The following ANKRD30A variants were observed in gnomAD, a reference collection of about 807,000 sequenced individuals.
ANKRD30A encodes the protein ankyrin repeat domain 30A, also known as ankyrin repeat domain-containing protein 30A.
Under a neutral mutation model 166.3 loss-of-function variants are expected in ANKRD30A, and 170 were observed. The observed-to-expected ratio is 1.02, with a 90% CI of 0.90 to 1.16. ANKRD30A has a LOEUF of 1.16. ANKRD30A is among the 50% of genes most tolerant of loss of function. The pLI is 0.00. For synonymous variants in ANKRD30A, 564 were observed against 508.9 expected, an observed-to-expected ratio of 1.11 and a Z score of -1.46; for missense variants, 1,630 against 1,518.0, an observed-to-expected ratio of 1.07 and a Z score of -1.23.
At chr10:37,205,215 A>T (rs1841910694) in intron 31 of ANKRD30A, among the ~76,000 whole-genome samples, 1 of 152,164 alleles carries the variant, frequency 6.6e-6, no homozygotes, top group Admixed American at 6.5e-5. Context: ...TACATCAATG[A>T]TAGACTGGAT....
chr10:37,152,580 G>C (rs17606017), intron 12 of ANKRD30A, among the ~76,000 whole-genome samples: 6 of 152,228 alleles, frequency 3.9e-5, no homozygotes, highest in East Asian at 1.9e-4. Context: ...ATTGACATAT[G>C]TTTATTGTTC....
At chr10:37,243,401 C>G in the ANKRD30A span, among the ~76,000 whole-genome samples, 1,231 of 151,902 alleles carry the variant, frequency 8.1e-3, 15 homozygotes, top group African/African-American at 0.028. Context: ...GCCTCGGCCT[C>G]CCAAAGTTCT....
downstream of ANKRD30A, among the ~76,000 whole-genome samples, chr10:37,235,255 G>T (rs1418133901): frequency 1.3e-5 from 2 of 151,946 alleles, no homozygotes; most frequent in African/African-American, 2.4e-5. Context: ...CCCCCACAAG[G>T]TCTTTAAATA....
At chr10:37,190,070 A>T (rs1404586943) in intron 25 of ANKRD30A, among the ~76,000 whole-genome samples, 1 of 151,904 alleles carries the variant, frequency 6.6e-6, no homozygotes. Context: ...GGATGGAAGC[A>T]CCTGACCATG....
rs1028795548 is a variant in ANKRD30A, at chr10:37,199,600, CA to C, written c.2717-122del. ...TATAGGAAGTAGTCATTGTAATCAA[CA>C]AAAAGAATATACGGGCTACAGAGGA... On this transcript the variant is annotated intron_variant, in intron 29 of 35. Coordinates refer to ENST00000361713, the MANE Select transcript of ANKRD30A (RefSeq NM_052997.3). 9 of 512,234 alleles carry C rather than the reference CA, an allele frequency of 1.8e-5. No individual in the cohort carries two copies. In the African/African-American group the frequency reaches 1.8e-4, roughly 10 times the overall value. The allele number at this position is 512,234 out of a possible 1,614,324, so 31.7% of individuals were successfully genotyped here.
Position 37,126,812 on chromosome 10 carries a change from C to T in ANKRD30A, c.221+804C>T, listed in dbSNP as rs545302552. 3.9e-4 allele frequency among the ~76,000 whole-genome samples: 59 copies of T among 152,084 alleles called. 1 individual carries two copies. The highest frequency in any genetic ancestry group is 1.3e-3 in the African/African-American group (54 of 41,504). On this transcript the variant is annotated intron_variant, in intron 1 of 35. Transcript: ENST00000361713. ...CCTGTGATCCCAACACTTTGGGCTG[C>T]GGAGGCAGGTGGATCATCTGAGGTC...
Position 37,193,173 on chromosome 10 carries a change from T to C in ANKRD30A, c.2542-13T>C, listed in dbSNP as rs373828396. On this transcript the variant is annotated splice_polypyrimidine_tract_variant and intron_variant, in intron 26 of 35. Transcript: ENST00000361713. The stretch of plus-strand genomic sequence containing the variant: ...CATTGTATATTAATTGTTTTGTTTC[T>C]AAACCCATTTAGGCTCCCTGCAGAA... The C allele has an allele frequency of 1.7e-3, 2,783 of 1,600,164 alleles. 84 individuals carry two copies. The highest frequency in any genetic ancestry group is 0.013 in the East Asian group (527 of 41,626).
chr10:37,156,637 A>C (rs1303974015), intron 13 of ANKRD30A, among the ~76,000 whole-genome samples: 1 of 152,082 alleles, frequency 6.6e-6, no homozygotes, highest in South Asian at 2.1e-4. Flanking sequence ...TTACATATTC[A>C]TTTCCTGTCT....
chr10:37,216,499 A>T, intron 32 of ANKRD30A, 105 bp downstream of exon 32: 1 of 1,106,070 alleles, frequency 9.0e-7, no homozygotes, highest in Non-Finnish European at 1.3e-6. Context: ...TACTGGAGAA[A>T]AAAATGTCTG....
At position 37,125,825 on chromosome 10, in the gene ANKRD30A, C is replaced by T. The variant is rs1276189641; in HGVS notation, c.38C>T (p.Pro13Leu). 4.4e-6 allele frequency: 4 copies of T among 901,026 alleles called. No homozygotes were observed. The highest frequency in any genetic ancestry group is 5.3e-5 in the East Asian group (2 of 37,888). The allele number at this position is 901,026 out of a possible 1,614,324, so 55.8% of individuals were successfully genotyped here. ...TCTGCCGCCGCTGTCAAGGTCGTGC[C>T]GGGCCCGGAGCGCCCGAGCCCTTTC... ...EISAAAVKVV[P>L]GPERPSPFSQ... The change falls in exon 1 of 36, where the codon CCG becomes CTG. Residue 13 changes from proline (P) to leucine (L), a missense_variant. This residue lies in a region of ANKRD30A where 904 missense variants were observed against 818.5 expected (regional missense o/e 1.10). Coordinates refer to ENST00000361713, the MANE Select transcript of ANKRD30A (RefSeq NM_052997.3).
chr10:37,201,808 G>T lies in ANKRD30A; in HGVS notation c.2869+483G>T, dbSNP rs555715491. 4.7e-4 allele frequency among the ~76,000 whole-genome samples: 72 copies of T among 152,122 alleles called. 2 individuals are homozygous for T. The South Asian group carries it at 0.014, about 30-fold the overall frequency. On this transcript the variant is annotated intron_variant, in intron 31 of 35. Coordinates refer to ENST00000361713, the MANE Select transcript of ANKRD30A (RefSeq NM_052997.3). ...TCTGACTCTTAATGTCTTTCTCACT[G>T]GTGGGAAGCCATTAGGGATGGAAGC...
At chr10:37,153,728 A>T in intron 13 of ANKRD30A, 66 bp downstream of exon 13, 3 of 1,584,302 alleles carry the variant, frequency 1.9e-6, no homozygotes, top group Non-Finnish European at 1.7e-6. Flanking sequence ...GAGGAGGGAT[A>T]TCCTCTAGTA....
At chr10:37,128,027 C>T (rs936045684) in intron 1 of ANKRD30A, among the ~76,000 whole-genome samples, 2 of 151,908 alleles carry the variant, frequency 1.3e-5, no homozygotes, top group African/African-American at 4.8e-5. Context: ...AGTGAGTTTA[C>T]AGCATGGGAT....
the ANKRD30A span, among the ~76,000 whole-genome samples, chr10:37,245,313 G>T: frequency 6.6e-6 from 1 of 151,856 alleles, no homozygotes; most frequent in South Asian, 2.1e-4. Context: ...TAAACTCCTT[G>T]TTATTTTCTT....
At chr10:37,198,576 G>A in intron 29 of ANKRD30A, among the ~76,000 whole-genome samples, 1 of 151,874 alleles carries the variant, frequency 6.6e-6, no homozygotes, top group East Asian at 1.9e-4. Flanking sequence ...TTTGAACTGT[G>A]CCCCAGAGCT....
intron 25 of ANKRD30A, among the ~76,000 whole-genome samples, chr10:37,192,275 C>G (rs1419438229): frequency 6.6e-6 from 1 of 151,906 alleles, no homozygotes; most frequent in Non-Finnish European, 1.5e-5. Context: ...AACTCCTGGC[C>G]TCCAGAGATC....
At chr10:37,171,679 C>T (rs553426727) in intron 21 of ANKRD30A, among the ~76,000 whole-genome samples, 6 of 151,200 alleles carry the variant, frequency 4.0e-5, no homozygotes, top group Admixed American at 3.9e-4. Context: ...GAAGTTGCAC[C>T]TCTGAGTCTT....
At chr10:37,135,529 T>C (rs1331967470) in intron 5 of ANKRD30A, among the ~76,000 whole-genome samples, 1 of 152,254 alleles carries the variant, frequency 6.6e-6, no homozygotes, top group East Asian at 1.9e-4. Flanking sequence ...ATGCTGTTAG[T>C]AGGCATCTCA....
intron 9 of ANKRD30A, among the ~76,000 whole-genome samples, chr10:37,148,609 C>G: frequency 6.6e-6 from 1 of 152,014 alleles, no homozygotes; most frequent in South Asian, 2.1e-4. Flanking sequence ...ATTATTTGCA[C>G]TCCAGAAAGT....
Sources: allele counts gnomAD v4.1 joint callset (sites outside exome capture counted in the v4.1 genomes callset), GRCh38; gene constraint gnomAD v4.1.1; regional missense constraint gnomAD v4.1.1; transcripts MANE v1.5; gene names NCBI Gene and HGNC (gene_info 2026-07-23, HGNC 2026-07-21).